ELFN2: variants seen among roughly 807,000 people sequenced by gnomAD.
The protein encoded by ELFN2 is protein phosphatase 1 regulatory subunit 29.
In ELFN2, 17 loss-of-function variants were observed where a neutral mutation model predicts 45.5. The observed-to-expected ratio is 0.37, with a 90% CI of 0.26 to 0.56. The LOEUF is 0.56. ELFN2 is among the 20% of genes least tolerant of loss of function. ELFN2 has a pLI of 0.77. For missense variants in ELFN2, 922 were observed against 1,183.2 expected (o/e 0.78, Z 3.24); for synonymous variants, 550 against 551.5 (o/e 1.00, Z 0.04).
At chr22:37,361,027 C>A (rs1250610242) in intron 1 of ELFN2, among the ~76,000 whole-genome samples, 5 of 152,116 alleles carry the variant, frequency 3.3e-5, no homozygotes. Flanking sequence ...CGCCTTTAAC[C>A]CTCACCTGAA....
chr22:37,389,152 A>C (rs1045835067), intron 2 of ELFN2, among the ~76,000 whole-genome samples: 8 of 152,140 alleles, frequency 5.3e-5, no homozygotes, highest in Admixed American at 1.3e-4. Context: ...ACATGGCTGC[A>C]AGGTTCTATG....
chr22:37,422,944 G>C (rs908202323), intron 1 of ELFN2, among the ~76,000 whole-genome samples: 1 of 83,140 alleles, frequency 1.2e-5, no homozygotes, highest in Non-Finnish European at 2.2e-5. Context: ...ACTGGGCCTC[G>C]GGGGGGGGGG....
Position 37,373,693 on chromosome 22 carries a change from T to C in ELFN2, c.1842A>G (p.Leu614=), listed in dbSNP as rs759413380. The C allele has an allele frequency of 7.7e-6, 12 of 1,561,996 alleles. No individual in the cohort carries two copies. Among genetic ancestry groups the C allele is most frequent in the East Asian group, 6.8e-5 (3 of 44,358 alleles). The stretch of plus-strand genomic sequence containing the variant: ...CCGCGTCGGCGCTCAGCTGGCGCTG[T>C]AGTGGGTGGTGGGAGCTCTCCTTGT... ...PPYKESSHHP[L]QRQLSADAAV... Residue 614 remains leucine, a synonymous_variant, in exon 3 of 3, where the codon CTA becomes CTG. Transcript: ENST00000402918.
chr22:37,359,477 T>C (rs1376712326), intron 1 of ELFN2, among the ~76,000 whole-genome samples: 1 of 152,234 alleles, frequency 6.6e-6, no homozygotes, highest in Non-Finnish European at 1.5e-5. Context: ...GACCAAAGCA[T>C]CTGCTTCCAT....
rs1932771097 is a variant in ELFN2 at position 37,417,382 on chromosome 22, T to C, written c.-463+387A>G. Among the ~76,000 whole-genome samples, 1 of 152,174 alleles carries C rather than the reference T, an allele frequency of 6.6e-6. No homozygotes were observed. Among genetic ancestry groups the C allele is most frequent in the Non-Finnish European group, 1.5e-5 (1 of 68,018 alleles). ...GACCCCCACCATGTTGTCCCAGGCC[T>C]TCCCCTGGAAGCTGGCTCTCCACCC... On this transcript the variant is annotated intron_variant, in intron 2 of 2. Coordinates refer to ENST00000402918, the MANE Select transcript of ELFN2 (RefSeq NM_052906.5). This position sits in a 1 kb window ranked among gnomAD's most constrained non-coding sequence, Gnocchi z 4.5.
chr22:37,376,402 T>TACAC (rs3041587), intron 2 of ELFN2, among the ~76,000 whole-genome samples: 2 of 150,906 alleles, frequency 1.3e-5, no homozygotes, highest in Admixed American at 6.6e-5. Context: ...CGCAGACAGC[T>TACAC]ACACACACAC....
chr22:37,412,672 A>G (rs770006601), intron 2 of ELFN2, among the ~76,000 whole-genome samples: 1 of 152,042 alleles, frequency 6.6e-6, no homozygotes, highest in African/African-American at 2.4e-5. Flanking sequence ...CTCCTCCCCA[A>G]ACAAATGGGG....
Position 37,354,809 on chromosome 22 carries a change from G to A in ELFN2, n.149-12106C>T, listed in dbSNP as rs150612401. ...TGTGAAATGTTTAAAAGCACCCCCGGTGCCTTCCCACCAGATGCTGGTAGC... is the reference window on the plus strand; with the variant it reads ...TGTGAAATGTTTAAAAGCACCCCCGATGCCTTCCCACCAGATGCTGGTAGC... On this transcript the variant is annotated intron_variant and non_coding_transcript_variant, in intron 1 of 2. Transcript: ENST00000452946. 2.8e-4 allele frequency: 42 copies of A among 149,300 alleles called. No individual in the cohort carries two copies. The East Asian group carries it at 7.0e-3, about 25-fold the overall frequency. The allele number at this position is 149,300 out of a possible 1,614,324, so 9.2% of individuals were successfully genotyped here. A position where few individuals can be genotyped will look rare whatever the true frequency, so the allele number is the denominator to read the frequency against.
At position 37,373,967 on chromosome 22, in the gene ELFN2, T is replaced by C. The variant is rs1185435472; in HGVS notation, c.1568A>G (p.Asp523Gly). The change falls in exon 3 of 3, where the codon GAC (aspartate) becomes GGC (glycine). Residue 523 changes from aspartate to glycine, a missense_variant. Around this residue, in one of 2 missense-constraint regions of ELFN2, gnomAD observed 564 missense variants for 642.8 expected, o/e 0.88. Transcript: ENST00000402918. ...AGCCGAGCCCTGGCCGTTCTCGAGG[T>C]CCGGGAGGTCATCCTCGGGCCGAGC... ...GLARPEDDLP[D>G]LENGQGSAAE... 1.9e-6 allele frequency: 3 copies of C among 1,612,986 alleles called. No individual in the cohort carries two copies. The highest frequency in any genetic ancestry group is 1.7e-6 in the Non-Finnish European group (2 of 1,179,956).
intron 1 of ELFN2, among the ~76,000 whole-genome samples, chr22:37,424,995 C>G (rs913262080): frequency 2.0e-5 from 3 of 152,132 alleles, no homozygotes; most frequent in Non-Finnish European, 4.4e-5. Flanking sequence ...CCTCTCTAAC[C>G]CCTCACCCCA....
chr22:37,420,092 G>A (rs1932797820), intron 1 of ELFN2, among the ~76,000 whole-genome samples: 1 of 152,146 alleles, frequency 6.6e-6, no homozygotes, highest in Admixed American at 6.5e-5. Context: ...GGTGGGCCGC[G>A]GGGGACGGGG....
intron 2 of ELFN2, among the ~76,000 whole-genome samples, chr22:37,416,639 G>C (rs1474305891): frequency 1.3e-5 from 2 of 152,098 alleles, no homozygotes; most frequent in African/African-American, 2.4e-5. Context: ...TGGTGCAGCA[G>C]GGTCTCCGGT....
rs757433730 is a variant in ELFN2, at chr22:37,348,951, G to C, written n.149-6248C>G. On this transcript the variant is annotated intron_variant and non_coding_transcript_variant, in intron 1 of 2. Transcript: ENST00000452946. ...GGCCTGGGGAGGTCTGCGTCTACCC[G>C]TCTTACACATTTACCCACAGGCTGG... is the stretch of plus-strand genomic sequence containing the variant. Among the ~76,000 whole-genome samples, 15 of 150,932 alleles carry C rather than the reference G, an allele frequency of 9.9e-5. 1 individual carries two copies. The highest frequency in any genetic ancestry group is 2.1e-4 in the Non-Finnish European group (14 of 67,274).
At chr22:37,357,415 G>A (rs1483858647) in intron 1 of ELFN2, among the ~76,000 whole-genome samples, 1 of 152,218 alleles carries the variant, frequency 6.6e-6, no homozygotes, top group Non-Finnish European at 1.5e-5. Context: ...CAACAGAGGA[G>A]TATCTTTGCA....
intron 2 of ELFN2, among the ~76,000 whole-genome samples, chr22:37,399,636 A>G (rs1312551799): frequency 5.6e-5 from 8 of 142,194 alleles, no homozygotes; most frequent in East Asian, 2.1e-4. Flanking sequence ...GGGGACCACC[A>G]GCCCACCTCT....
intron 1 of ELFN2, among the ~76,000 whole-genome samples, chr22:37,350,693 C>T (rs1271821886): frequency 6.6e-6 from 1 of 150,624 alleles, no homozygotes; most frequent in Non-Finnish European, 1.5e-5. Flanking sequence ...AGGGTGGGGG[C>T]GGCAGCTCTG....
At chr22:37,395,837 C>A (rs1185967095) in intron 2 of ELFN2, among the ~76,000 whole-genome samples, 1 of 152,104 alleles carries the variant, frequency 6.6e-6, no homozygotes, top group Non-Finnish European at 1.5e-5. Flanking sequence ...GTGGGAGGGG[C>A]AGGGAGCCAC....
intron 2 of ELFN2, among the ~76,000 whole-genome samples, chr22:37,403,212 TC>T (rs1932409195): frequency 7.9e-6 from 1 of 126,858 alleles, no homozygotes; most frequent in African/African-American, 2.8e-5. Context: ...GGTGCACCTG[TC>T]CATCCATTCA....
chr22:37,364,263 G>A (rs1931152376), downstream of ELFN2, among the ~76,000 whole-genome samples: 1 of 152,218 alleles, frequency 6.6e-6, no homozygotes, highest in South Asian at 2.1e-4. Context: ...GGAGGCCAGG[G>A]TGGTGGCGGC....
Sources: gnomAD v4.1 joint callset for allele counts (sites outside exome capture counted in the v4.1 genomes callset) on GRCh38, gnomAD v4.1.1 for gene constraint, gnomAD v4.1.1 regional missense constraint, Gnocchi (gnomAD v3.1) non-coding constraint, MANE v1.5 for transcripts, NCBI Gene and HGNC (gene_info 2026-07-23, HGNC 2026-07-21) for gene names.